Variants in PPP4R1 observed in about 807,000 individuals in gnomAD.
PPP4R1 encodes the protein protein phosphatase 4 regulatory subunit 1, also known as serine/threonine-protein phosphatase 4 regulatory subunit 1.
A neutral mutation model predicts 111.2 loss-of-function variants in PPP4R1; 42 were observed. That is an observed-to-expected ratio of 0.38 (90% confidence interval 0.29 to 0.49). The LOEUF (loss-of-function observed/expected upper bound fraction) is 0.49. Ranked by LOEUF, PPP4R1 falls within the 20% of genes least tolerant of loss-of-function variation. The pLI is 0.97. For missense variants in PPP4R1, 1,012 were observed against 1,161.6 expected, an observed-to-expected ratio of 0.87 and a Z score of 1.87; for synonymous variants, 409 against 405.5, an observed-to-expected ratio of 1.01 and a Z score of -0.10.
intron 10 of PPP4R1, among the ~76,000 whole-genome samples, chr18:9,576,127 AAAGGT>A (rs1305206830): frequency 6.6e-6 from 1 of 152,176 alleles, no homozygotes; most frequent in Non-Finnish European, 1.5e-5. Context: ...GAACGGGCAA[AAAGGT>A]AAAACAAGGC....
intron 4 of PPP4R1, 25 bp downstream of exon 4, chr18:9,593,743 G>A (rs1294882243): frequency 1.3e-6 from 2 of 1,592,994 alleles, no homozygotes; most frequent in South Asian, 1.1e-5. Flanking sequence ...CTAGAATAGA[G>A]TAAATTCACT....
rs1217994523 is a variant in PPP4R1, at chr18:9,557,296, T to G, written c.2115A>C (p.Pro705=). ...GGTCTTTTAAAAATCCATTAAAAAT[T>G]GGAACCAGATCTGCAGCTGTCAATT... is the stretch of plus-strand genomic sequence containing the variant. The part of the protein sequence containing the change: ...GDQLTAADLV[P]IFNGFLKDLD... Residue 705 remains proline, a synonymous_variant, in exon 15 of 20, where the codon CCA becomes CCC. Coordinates refer to ENST00000400556, the MANE Select transcript of PPP4R1 (RefSeq NM_001042388.3). The G allele has an allele frequency of 1.2e-6, 2 of 1,613,108 alleles. No individual in the cohort carries two copies. Among genetic ancestry groups the G allele is most frequent in the Non-Finnish European group, 1.7e-6 (2 of 1,179,690 alleles).
chr18:9,561,779 T>C (rs1473844404), intron 13 of PPP4R1, among the ~76,000 whole-genome samples: 2 of 152,138 alleles, frequency 1.3e-5, no homozygotes, highest in Non-Finnish European at 2.9e-5. Flanking sequence ...GAATGAAGAA[T>C]GGGATCACAG....
chr18:9,605,740 T>C (rs2145332934), intron 2 of PPP4R1, among the ~76,000 whole-genome samples: 1 of 152,272 alleles, frequency 6.6e-6, no homozygotes, highest in South Asian at 2.1e-4. Flanking sequence ...CAAAAGACAG[T>C]TGCCATAAGG....
At chr18:9,549,151 C>G (rs58982927) in intron 19 of PPP4R1, 46 bp downstream of exon 19, 159,897 of 1,590,158 alleles carry the variant, frequency 0.1, 8,309 homozygotes, top group African/African-American at 0.11. Flanking sequence ...AGTCCACAGA[C>G]CTCCTTCTCT....
Position 9,588,761 on chromosome 18 carries a change from T to C in PPP4R1, c.388A>G (p.Lys130Glu), listed in dbSNP as rs754925459. ...NRPSIPYAFS[K>E]FLLPIVVRYL... The stretch of plus-strand genomic sequence containing the variant: ...CTAACCACAATAGGTAGTAAGAATT[T>C]TGAAAAAGCATATGGTATTGAAGGC... The change falls in exon 5 of 20, where the codon AAA (lysine) becomes GAA (glutamate). Residue 130 changes from lysine (K) to glutamate (E), a missense_variant. Lys to Glu is a moderately conservative substitution (Grantham distance 56, BLOSUM62 1). Coordinates refer to ENST00000400556, the MANE Select transcript of PPP4R1 (RefSeq NM_001042388.3). 66 of 1,613,726 alleles carry C rather than the reference T, an allele frequency of 4.1e-5. No individual in the cohort carries two copies. The highest frequency in any genetic ancestry group is 5.6e-5 in the Non-Finnish European group (66 of 1,179,768).
At chr18:9,590,904 A>G (rs1348146237) in intron 4 of PPP4R1, among the ~76,000 whole-genome samples, 6 of 152,256 alleles carry the variant, frequency 3.9e-5, no homozygotes, top group African/African-American at 9.6e-5. Context: ...TTCTGCAAGA[A>G]GCATCACGGA....
rs752987066 is a variant in PPP4R1 at position 9,549,245 on chromosome 18, C to T, written c.2641G>A (p.Val881Met). The change falls in exon 19 of 20, where the codon GTG (valine) becomes ATG (methionine). Residue 881 changes from valine to methionine, a missense_variant. This residue lies in a region of PPP4R1 where 305 missense variants were observed against 419.5 expected (regional missense o/e 0.73). Coordinates refer to ENST00000400556, the MANE Select transcript of PPP4R1 (RefSeq NM_001042388.3). Reference protein sequence around the residue: ...LTLANDRVPNVRVLLAKTLRQ... With the variant: ...LTLANDRVPNMRVLLAKTLRQ... ...AATGTCTTTGCAAGCAGCACTCGCACGTTAGGAACCCTGTCATTTGCTAAG... is the reference window on the plus strand; with the variant it reads ...AATGTCTTTGCAAGCAGCACTCGCATGTTAGGAACCCTGTCATTTGCTAAG... 4 of 1,614,024 alleles carry T rather than the reference C, an allele frequency of 2.5e-6. No individual in the cohort carries two copies. The highest frequency in any genetic ancestry group is 3.4e-6 in the Non-Finnish European group (4 of 1,179,912).
At chr18:9,572,593 A>T (rs1248453248) in intron 10 of PPP4R1, among the ~76,000 whole-genome samples, 1 of 152,202 alleles carries the variant, frequency 6.6e-6, no homozygotes, top group African/African-American at 2.4e-5. Flanking sequence ...CTTTAAATAC[A>T]CACAATAAAA....
chr18:9,579,456 A>G (rs1301230707), intron 9 of PPP4R1, among the ~76,000 whole-genome samples: 1 of 152,038 alleles, frequency 6.6e-6, no homozygotes, highest in Non-Finnish European at 1.5e-5. Context: ...ATGGCTTAAC[A>G]TTGTTCGGAC....
chr18:9,556,696 T>C (rs1475746207), intron 15 of PPP4R1, among the ~76,000 whole-genome samples: 1 of 152,214 alleles, frequency 6.6e-6, no homozygotes, highest in East Asian at 1.9e-4. Flanking sequence ...TCAAGACGCC[T>C]GAAATACCAC....
intron 15 of PPP4R1, among the ~76,000 whole-genome samples, chr18:9,555,341 A>G (rs1568085245): frequency 6.6e-6 from 1 of 152,110 alleles, no homozygotes; most frequent in African/African-American, 2.4e-5. Context: ...AACAGAAAGA[A>G]TTATGAAAAT....
chr18:9,608,009 C>T (rs2067513595), intron 2 of PPP4R1, among the ~76,000 whole-genome samples: 2 of 150,440 alleles, frequency 1.3e-5, no homozygotes, highest in South Asian at 2.1e-4. Context: ...GTCTTGAACT[C>T]CTGATCTCGG....
chr18:9,570,514 A>G lies in PPP4R1; in HGVS notation c.1216T>C (p.Leu406=). Residue 406 remains leucine (L), a synonymous_variant, in exon 11 of 20, where the codon TTA becomes CTA. Coordinates refer to ENST00000400556, the MANE Select transcript of PPP4R1 (RefSeq NM_001042388.3). The stretch of plus-strand genomic sequence containing the variant: ...GATTCTGAGGACAAAGTACAAAGTA[A>G]AGAGCTGTCCAGTGGAACACTAATT... ...GEISVPLDSS[L]LCTLSSESHQ... The G allele has an allele frequency of 6.2e-7, 1 of 1,614,220 alleles. No homozygotes were observed. The highest frequency in any genetic ancestry group is 2.2e-5 in the East Asian group (1 of 44,888).
intron 16 of PPP4R1, 47 bp from the exon 17 acceptor site, chr18:9,550,445 CA>C (rs765000310): frequency 6.5e-7 from 1 of 1,539,142 alleles, no homozygotes; most frequent in Non-Finnish European, 8.9e-7. Flanking sequence ...ATCAGCGAGA[CA>C]AATGAAAATA....
chr18:9,571,525 G>C (rs1471081451), intron 10 of PPP4R1, among the ~76,000 whole-genome samples: 2 of 152,182 alleles, frequency 1.3e-5, no homozygotes, highest in Non-Finnish European at 2.9e-5. Context: ...GAGGCAAACA[G>C]AAAAAATGAA....
rs562457637 is a variant in PPP4R1 at position 9,583,279 on chromosome 18, T to C, written c.760-4A>G. On this transcript the variant is annotated splice_region_variant and splice_polypyrimidine_tract_variant and intron_variant, in intron 8 of 19. Coordinates refer to ENST00000400556, the MANE Select transcript of PPP4R1 (RefSeq NM_001042388.3). The stretch of plus-strand genomic sequence containing the variant: ...AAAGCTGGAAAAATCTGGGCAGCTA[T>C]GTGAAAAGGAAAGAGTCTTGTTAGT... The C allele has an allele frequency of 1.3e-6, 2 of 1,549,568 alleles. No homozygotes were observed. Among genetic ancestry groups the C allele is most frequent in the East Asian group, 2.3e-5 (1 of 42,652 alleles).
At chr18:9,594,034 C>T (rs2067253857) in intron 3 of PPP4R1, 160 bp from the exon 4 acceptor site, 1 of 572,140 alleles carries the variant, frequency 1.7e-6, no homozygotes. Flanking sequence ...CTCAGGTAAT[C>T]CTCCCACCTC....
intron 2 of PPP4R1, among the ~76,000 whole-genome samples, chr18:9,597,794 AG>A (rs1222150752): frequency 6.6e-6 from 1 of 152,230 alleles, no homozygotes; most frequent in Non-Finnish European, 1.5e-5. Context: ...TACAATGTCT[AG>A]CATCCAATAA....
Sources: gnomAD v4.1 joint callset for allele counts (sites outside exome capture counted in the v4.1 genomes callset) on GRCh38, gnomAD v4.1.1 for gene constraint, gnomAD v4.1.1 regional missense constraint, MANE v1.5 for transcripts, NCBI Gene and HGNC (gene_info 2026-07-23, HGNC 2026-07-21) for gene names.